Variants in CELF2 observed in about 807,000 individuals in gnomAD.
The protein encoded by CELF2 is CUGBP Elav-like family member 2, also known as CUG triplet repeat RNA-binding protein 2.
A neutral mutation model predicts 62.6 loss-of-function variants in CELF2; 8 were observed. That is an observed-to-expected ratio of 0.13 (90% CI 0.07 to 0.23). The LOEUF (loss-of-function observed/expected upper bound fraction) is 0.23, where lower values mean the gene tolerates loss of function less well. Ranked by LOEUF, CELF2 falls within the 10% of genes least tolerant of loss-of-function variation. CELF2 has a pLI of 1.00. For missense variants in CELF2, 333 were observed against 671.0 expected (o/e 0.50, Z 5.56); for synonymous variants, 258 against 250.0 (o/e 1.03, Z -0.30).
At position 11,140,707 on chromosome 10, in the gene CELF2, C is replaced by T. The variant is rs1357265865; in HGVS notation, c.75-24779C>T. ...ATTAGAACAATTTTTAGGATAGTGC[C>T]AGTCACTTATTTGTATTAAAAATAA... On this transcript the variant is annotated intron_variant, in intron 1 of 12. Coordinates refer to ENST00000633077, the MANE Select transcript of CELF2 (RefSeq NM_001326342.2). Among the ~76,000 whole-genome samples the T allele has an allele frequency of 2.0e-5, 3 of 152,066 alleles. No individual in the cohort carries two copies. In the East Asian group the frequency reaches 5.8e-4, roughly 29 times the overall value.
At chr10:10,794,098 C>G (rs574330485), upstream of CELF2, among the ~76,000 whole-genome samples, 35 of 152,258 alleles carry the variant, frequency 2.3e-4, no homozygotes, top group African/African-American at 8.4e-4. Context: ...TCTTGGAACC[C>G]TTGACTATCA....
intron 1 of CELF2, among the ~76,000 whole-genome samples, chr10:11,148,874 A>ACACAC: frequency 6.6e-6 from 1 of 150,576 alleles, no homozygotes; most frequent in East Asian, 2.0e-4. Flanking sequence ...ACACACACAC[A>ACACAC]AAGCAAGCCC....
chr10:10,833,013 C>CTG (rs71378768), intron 1 of CELF2, among the ~76,000 whole-genome samples: 10,644 of 144,494 alleles, frequency 0.074, 444 homozygotes, highest in African/African-American at 0.12. Flanking sequence ...ACAGAAAACT[C>CTG]TGTGTGTGTG....
At chr10:10,785,488 G>A in the CELF2 span, among the ~76,000 whole-genome samples, 1 of 152,164 alleles carries the variant, frequency 6.6e-6, no homozygotes, top group Non-Finnish European at 1.5e-5. Context: ...TCAAACAACA[G>A]ATAAATGGAT....
chr10:10,594,190 G>A, the CELF2 span, among the ~76,000 whole-genome samples: 19 of 152,298 alleles, frequency 1.2e-4, no homozygotes, highest in South Asian at 8.3e-4. Flanking sequence ...CTGATTGTAC[G>A]TGGAACTAAG....
At chr10:10,677,371 GC>G in the CELF2 span, among the ~76,000 whole-genome samples, 2 of 152,170 alleles carry the variant, frequency 1.3e-5, no homozygotes, top group African/African-American at 4.8e-5. Flanking sequence ...GAAACCAACT[GC>G]CCCTTTTGGA....
chr10:10,566,124 A>C, the CELF2 span, among the ~76,000 whole-genome samples: 1 of 152,286 alleles, frequency 6.6e-6, no homozygotes, highest in East Asian at 1.9e-4. Context: ...AGAACCATGC[A>C]TGGTCTTTAC....
At chr10:10,477,050 C>T in the CELF2 span, among the ~76,000 whole-genome samples, 5 of 152,152 alleles carry the variant, frequency 3.3e-5, no homozygotes, top group Admixed American at 3.3e-4. Flanking sequence ...ATTTCTATCA[C>T]AGCCAACTCA....
intron 1 of CELF2, among the ~76,000 whole-genome samples, chr10:11,133,408 CAAG>C (rs1007377043): frequency 7.9e-5 from 12 of 152,032 alleles, no homozygotes; most frequent in African/African-American, 1.9e-4. Flanking sequence ...GCCGTGGGAC[CAAG>C]AAGAAGAAGA....
intron 1 of CELF2, among the ~76,000 whole-genome samples, chr10:10,880,124 A>G (rs550815607): frequency 3.3e-5 from 5 of 152,214 alleles, no homozygotes; most frequent in Non-Finnish European, 7.3e-5. Context: ...GGAATAACTA[A>G]ATACAAGAAC....
At chr10:11,216,644 C>T (rs1381953864) in intron 2 of CELF2, among the ~76,000 whole-genome samples, 12 of 152,190 alleles carry the variant, frequency 7.9e-5, no homozygotes, top group Admixed American at 2.0e-4. Context: ...ATTTCCATAC[C>T]GTTTTCTTTG....
Position 10,983,170 on chromosome 10 carries a change from G to C in CELF2, c.89+63171G>C, listed in dbSNP as rs1010944413. Among the ~76,000 whole-genome samples the C allele has an allele frequency of 6.6e-6, 1 of 151,502 alleles. No individual in the cohort carries two copies. The highest frequency in any genetic ancestry group is 2.4e-5 in the African/African-American group (1 of 41,162). ...TTCAATTTTTCAGAAGGCAAGTTCA[G>C]ACACATAGGTTTATACAAGATGAAA... On this transcript the variant is annotated intron_variant, in intron 2 of 13. Coordinates refer to the CELF2 transcript ENST00000636488. The surrounding 1 kb of genome is among the most constrained non-coding windows in gnomAD (Gnocchi z 5.2).
intron 1 of CELF2, among the ~76,000 whole-genome samples, chr10:11,097,843 C>G (rs949219777): frequency 3.3e-5 from 5 of 152,222 alleles, no homozygotes; most frequent in Non-Finnish European, 7.3e-5. Context: ...TCATCACCCC[C>G]GATCAGGGAC....
upstream of CELF2, among the ~76,000 whole-genome samples, chr10:11,003,682 CTG>C (rs1270451746): frequency 6.6e-5 from 10 of 152,314 alleles, no homozygotes; most frequent in Admixed American, 3.9e-4. The surrounding 1 kb of genome is among the most constrained non-coding windows in gnomAD (Gnocchi z 4.4). Context: ...TGGGCTCAAA[CTG>C]TTTCTCCCTA....
the CELF2 span, among the ~76,000 whole-genome samples, chr10:10,501,058 A>G: frequency 6.6e-6 from 1 of 152,220 alleles, no homozygotes; most frequent in African/African-American, 2.4e-5. Flanking sequence ...GGTTGGGGCT[A>G]TGATGAATTA....
rs7910453 is a variant in CELF2, at chr10:10,995,530, T to C, written c.89+75531T>C. 0.026 allele frequency among the ~76,000 whole-genome samples: 3,949 copies of C among 152,208 alleles called. 183 individuals carry two copies. Among genetic ancestry groups the C allele is most frequent in the African/African-American group, 0.09 (3,728 of 41,502 alleles). The stretch of plus-strand genomic sequence containing the variant: ...CAAGAGAAATTGTGTATTTGAGGAA[T>C]TGGAAGAAGTTCAGGTGTGCCAGGT... On this transcript the variant is annotated intron_variant, in intron 2 of 13. Coordinates refer to the CELF2 transcript ENST00000636488. The surrounding 1 kb of genome is among the most constrained non-coding windows in gnomAD (Gnocchi z 4.7).
chr10:10,922,916 C>T (rs371691106), intron 2 of CELF2: 24 of 152,252 alleles, frequency 1.6e-4, no homozygotes, highest in African/African-American at 4.8e-4. Flanking sequence ...ATTTCCCTTC[C>T]CCACATTAAC....
At chr10:11,188,368 G>A (rs1309905924) in intron 2 of CELF2, among the ~76,000 whole-genome samples, 1 of 152,194 alleles carries the variant, frequency 6.6e-6, no homozygotes, top group African/African-American at 2.4e-5. Flanking sequence ...GCCTCCCAAA[G>A]TGGCGGGATT....
chr10:10,941,592 C>T (rs1192978762), intron 2 of CELF2, among the ~76,000 whole-genome samples: 3 of 152,178 alleles, frequency 2.0e-5, no homozygotes, highest in Non-Finnish European at 4.4e-5. Context: ...AAACAACAGC[C>T]AAGTGACACC....
Sources: allele counts gnomAD v4.1 joint callset (sites outside exome capture counted in the v4.1 genomes callset), GRCh38; gene constraint gnomAD v4.1.1; non-coding constraint Gnocchi (gnomAD v3.1); transcripts MANE v1.5; gene names NCBI Gene and HGNC (gene_info 2026-07-23, HGNC 2026-07-21).